ROBO2: variants seen among roughly 807,000 people sequenced by gnomAD.
ROBO2 encodes roundabout guidance receptor 2.
In ROBO2, 53 loss-of-function variants were observed where a neutral mutation model predicts 160.8. That is an observed-to-expected ratio of 0.33 (90% confidence interval 0.26 to 0.41). ROBO2 has a LOEUF of 0.41. Ranked by LOEUF, ROBO2 falls within the 10% of genes least tolerant of loss-of-function variation. ROBO2 has a pLI of 1.00. For synonymous variants in ROBO2, 664 were observed against 611.7 expected, an observed-to-expected ratio of 1.09 and a Z score of -1.26; for missense variants, 1,577 against 1,722.4, an observed-to-expected ratio of 0.92 and a Z score of 1.49.
intron 2 of ROBO2, among the ~76,000 whole-genome samples, chr3:76,960,350 G>A (rs1295228566): frequency 6.6e-6 from 1 of 151,994 alleles, no homozygotes; most frequent in Non-Finnish European, 1.5e-5. Context: ...ATTTCCTATT[G>A]CTATGGGTTG....
At chr3:77,277,169 T>TTTCTTTCTTTCTTTCTTTC (rs1560408111) in intron 2 of ROBO2, among the ~76,000 whole-genome samples, 16 of 95,328 alleles carry the variant, frequency 1.7e-4, no homozygotes, top group African/African-American at 6.0e-4. Flanking sequence ...TCTTTCTTTC[T>TTTCTTTCTTTCTTTCTTTC]TTCTTTCTTT....
chr3:75,958,803 A>G (rs1948805903), intron 2 of ROBO2, among the ~76,000 whole-genome samples: 1 of 151,790 alleles, frequency 6.6e-6, no homozygotes, highest in Admixed American at 6.6e-5. Context: ...AGAGAATAGT[A>G]ACAAAGATAA....
intron 2 of ROBO2, among the ~76,000 whole-genome samples, chr3:76,320,715 A>G (rs947892199): frequency 5.3e-5 from 8 of 152,360 alleles, no homozygotes; most frequent in African/African-American, 1.7e-4. Context: ...TTTATCTAAC[A>G]TAATGTCCCA....
intron 2 of ROBO2, among the ~76,000 whole-genome samples, chr3:76,576,830 T>G (rs1473510410): frequency 6.6e-6 from 1 of 151,268 alleles, no homozygotes; most frequent in Non-Finnish European, 1.5e-5. Context: ...ATTATTTTTC[T>G]TTTCTGTAAT....
At chr3:76,914,568 G>GA (rs2076194021) in intron 2 of ROBO2, among the ~76,000 whole-genome samples, 1 of 152,002 alleles carries the variant, frequency 6.6e-6, no homozygotes, top group African/African-American at 2.4e-5. Flanking sequence ...TTGTTGCCAA[G>GA]AAAATCTGTG....
intron 2 of ROBO2, among the ~76,000 whole-genome samples, chr3:76,340,230 C>G (rs892248455): frequency 1.3e-5 from 2 of 152,064 alleles, no homozygotes; most frequent in African/African-American, 4.8e-5. Flanking sequence ...AAAGCAATTG[C>G]ATATTATTCT....
At chr3:77,032,687 G>A (rs2063393634) in intron 2 of ROBO2, among the ~76,000 whole-genome samples, 1 of 152,150 alleles carries the variant, frequency 6.6e-6, no homozygotes, top group South Asian at 2.1e-4. Flanking sequence ...ACAGTGCAAA[G>A]CATACAACAG....
At chr3:76,941,167 T>C (rs2078160691) in intron 2 of ROBO2, among the ~76,000 whole-genome samples, 1 of 152,156 alleles carries the variant, frequency 6.6e-6, no homozygotes, top group African/African-American at 2.4e-5. Flanking sequence ...GATTGCATTT[T>C]TTTTGATGGA....
chr3:76,874,750 A>G (rs1032325245), intron 2 of ROBO2, among the ~76,000 whole-genome samples: 1 of 152,182 alleles, frequency 6.6e-6, no homozygotes, highest in Non-Finnish European at 1.5e-5. Context: ...AATTTGAGAG[A>G]TGATCATTTA....
In ROBO2 at chr3:77,516,324, T is replaced by C. The variant is rs1401117243; in HGVS notation, c.807-6451T>C. ...AATGGGGGAAATAATAGCTTCCCAC[T>C]TTACCTACCAGAATTGTTAAAAGTA... On this transcript the variant is annotated intron_variant, in intron 5 of 25. Coordinates refer to ENST00000461745, the Ensembl canonical transcript of ROBO2. Among the ~76,000 whole-genome samples, 3 of 151,614 alleles carry C rather than the reference T, an allele frequency of 2.0e-5. No homozygotes were observed. In the East Asian group the frequency reaches 5.8e-4, roughly 29 times the overall value.
intron 2 of ROBO2, among the ~76,000 whole-genome samples, chr3:76,413,618 A>G (rs568160363): frequency 1.6e-4 from 25 of 152,220 alleles, no homozygotes; most frequent in African/African-American, 5.8e-4. Context: ...AACAAGAGTC[A>G]CCTTCACTCC....
chr3:76,382,064 C>T (rs1373637187), intron 2 of ROBO2, among the ~76,000 whole-genome samples: 1 of 152,096 alleles, frequency 6.6e-6, no homozygotes, highest in African/African-American at 2.4e-5. Context: ...CTCAATGTCC[C>T]AGGCTCAAGT....
chr3:76,518,632 TG>T (rs1214672970), intron 2 of ROBO2, among the ~76,000 whole-genome samples: 21 of 152,290 alleles, frequency 1.4e-4, no homozygotes, highest in African/African-American at 5.1e-4. Flanking sequence ...AAATTTCCTA[TG>T]TATTACAAAA....
chr3:77,617,473 T>C lies in ROBO2; in HGVS notation c.3294-40T>C, dbSNP rs144468527. On this transcript the variant is annotated intron_variant, in intron 21 of 25. Transcript: ENST00000461745. ...AATTGTGTGCATGTATGTGTATATGTATTTGTGTCAATGTGCATATTTTTC... is the reference window on the plus strand; with the variant it reads ...AATTGTGTGCATGTATGTGTATATGCATTTGTGTCAATGTGCATATTTTTC... 5.1e-3 allele frequency: 8,242 copies of C among 1,612,010 alleles called. 36 individuals are homozygous for C. Among genetic ancestry groups the C allele is most frequent in the Non-Finnish European group, 5.7e-3 (6,692 of 1,178,528 alleles).
intron 2 of ROBO2, among the ~76,000 whole-genome samples, chr3:77,444,232 T>C (rs1348175143): frequency 1.3e-5 from 2 of 152,234 alleles, no homozygotes; most frequent in East Asian, 1.9e-4. Context: ...CACGTCTTTA[T>C]GTATTTTATT....
chr3:76,474,374 G>A (rs756562863), intron 2 of ROBO2, among the ~76,000 whole-genome samples: 6 of 152,070 alleles, frequency 3.9e-5, no homozygotes, highest in Non-Finnish European at 5.9e-5. Flanking sequence ...GACTATGTCT[G>A]TTTTATCCAC....
At chr3:77,270,611 G>A (rs2059423154) in intron 2 of ROBO2, among the ~76,000 whole-genome samples, 1 of 151,998 alleles carries the variant, frequency 6.6e-6, no homozygotes, top group Non-Finnish European at 1.5e-5. Context: ...GAAATGGCAT[G>A]TTAAATACTA....
intron 2 of ROBO2, among the ~76,000 whole-genome samples, chr3:76,512,306 A>G: frequency 8.8e-6 from 1 of 114,040 alleles, no homozygotes; most frequent in Non-Finnish European, 1.8e-5. Context: ...GGTTGCAGAA[A>G]TTTATATATA....
chr3:76,434,323 C>T (rs528694426), intron 2 of ROBO2: 1 of 1,154,960 alleles, frequency 8.7e-7, no homozygotes, highest in Admixed American at 1.7e-5. Flanking sequence ...GCACCCATCT[C>T]AGAGCAGATC....
Sources: allele counts gnomAD v4.1 joint callset (sites outside exome capture counted in the v4.1 genomes callset), GRCh38; gene constraint gnomAD v4.1.1; transcripts MANE v1.5; gene names NCBI Gene and HGNC (gene_info 2026-07-23, HGNC 2026-07-21).